The following PRKG1 variants were observed in gnomAD, a reference collection of about 807,000 sequenced individuals.
PRKG1 encodes cGMP-dependent protein kinase 1.
Under a neutral mutation model 88.1 loss-of-function variants are expected in PRKG1, and 35 were observed. The ratio of observed to expected loss-of-function variants is 0.40; its 90% CI spans 0.30 to 0.53. The LOEUF is 0.53. PRKG1 is among the 20% of genes least tolerant of loss of function. The pLI, the probability that PRKG1 is intolerant of heterozygous loss-of-function variation, is 0.59. For missense variants in PRKG1, 540 were observed against 839.8 expected (o/e 0.64, Z 4.41); for synonymous variants, 303 against 292.5 (o/e 1.04, Z -0.37).
intron 3 of PRKG1, among the ~76,000 whole-genome samples, chr10:51,669,872 T>C (rs893768305): frequency 6.6e-6 from 1 of 152,216 alleles, no homozygotes; most frequent in African/African-American, 2.4e-5. Context: ...GTATTGTACA[T>C]ATGCCCCTTC....
intron 4 of PRKG1, among the ~76,000 whole-genome samples, chr10:51,831,455 A>C (rs1840004537): frequency 6.6e-6 from 1 of 152,192 alleles, no homozygotes; most frequent in African/African-American, 2.4e-5. Context: ...TAAATGAGAC[A>C]AGGTGGGAAT....
At chr10:52,061,031 T>G (rs1846223568) in intron 6 of PRKG1, among the ~76,000 whole-genome samples, 1 of 151,990 alleles carries the variant, frequency 6.6e-6, no homozygotes. Flanking sequence ...ACCTCAAGAA[T>G]AAGGGCCCAG....
chr10:52,135,122 G>T (rs1157055707), intron 8 of PRKG1, among the ~76,000 whole-genome samples: 1 of 152,046 alleles, frequency 6.6e-6, no homozygotes, highest in Non-Finnish European at 1.5e-5. Context: ...AAAAAAATGA[G>T]TTCAGAATAA....
chr10:51,845,022 T>C (rs1221869473), intron 4 of PRKG1, among the ~76,000 whole-genome samples: 4 of 152,172 alleles, frequency 2.6e-5, no homozygotes, highest in Non-Finnish European at 5.9e-5. Flanking sequence ...TGTGTTAATG[T>C]AGATGTGAAA....
chr10:51,290,819 G>C (rs746198987), intron 2 of PRKG1, among the ~76,000 whole-genome samples: 48 of 152,090 alleles, frequency 3.2e-4, no homozygotes, highest in Non-Finnish European at 6.6e-4. Flanking sequence ...AGGGTATAGG[G>C]TGTGTTTCAA....
chr10:51,423,098 C>T lies in PRKG1; in HGVS notation c.479-44625C>T, dbSNP rs144230748. The stretch of plus-strand genomic sequence containing the variant: ...AAGGATCTGAAAGAAGAAAGAATAA[C>T]CATTCACACCCTGTTCAAGCAGAGT... On this transcript the variant is annotated intron_variant, in intron 2 of 17. Coordinates refer to ENST00000373980, the MANE Select transcript of PRKG1 (RefSeq NM_006258.4). Among the ~76,000 whole-genome samples, 1,004 of 151,762 alleles carry T rather than the reference C, an allele frequency of 6.6e-3. 15 individuals are homozygous for T. The highest frequency in any genetic ancestry group is 0.023 in the African/African-American group (970 of 41,384).
intron 2 of PRKG1, among the ~76,000 whole-genome samples, chr10:51,454,042 G>C (rs918325108): frequency 6.6e-6 from 1 of 151,966 alleles, no homozygotes; most frequent in African/African-American, 2.4e-5. Flanking sequence ...TAACCAAAGA[G>C]GTGAAAGATC....
chr10:51,576,702 T>A (rs934412197), intron 3 of PRKG1, among the ~76,000 whole-genome samples: 3 of 151,996 alleles, frequency 2.0e-5, no homozygotes, highest in South Asian at 2.1e-4. Context: ...ATCCCATTCC[T>A]AAGTGTTATT....
intron 9 of PRKG1, among the ~76,000 whole-genome samples, chr10:52,186,464 A>T (rs888811204): frequency 2.6e-5 from 4 of 151,764 alleles, no homozygotes; most frequent in African/African-American, 9.7e-5. Flanking sequence ...TTCATGAAGG[A>T]TTTTCCCCCA....
chr10:51,948,524 C>G (rs1843108197), intron 5 of PRKG1, among the ~76,000 whole-genome samples: 3 of 149,612 alleles, frequency 2.0e-5, no homozygotes, highest in Admixed American at 2.0e-4. Flanking sequence ...GTGTGTGTCT[C>G]TGTGTGTGTG....
chr10:51,538,540 G>A (rs1842221733), intron 3 of PRKG1, among the ~76,000 whole-genome samples: 2 of 108,114 alleles, frequency 1.8e-5, no homozygotes, highest in Non-Finnish European at 3.9e-5. Flanking sequence ...TAGAGAACCA[G>A]TTTGATTTTT....
intron 4 of PRKG1, among the ~76,000 whole-genome samples, chr10:51,898,047 A>C (rs1330489989): frequency 6.6e-6 from 1 of 152,030 alleles, no homozygotes; most frequent in Admixed American, 6.6e-5. Flanking sequence ...AGTTCACTGA[A>C]GTCTAGACAC....
intron 12 of PRKG1, among the ~76,000 whole-genome samples, chr10:52,273,816 A>C (rs750280012): frequency 6.6e-6 from 1 of 152,166 alleles, no homozygotes. Context: ...TAATATGTAC[A>C]TAGAGATTAT....
intron 2 of PRKG1, among the ~76,000 whole-genome samples, chr10:51,286,062 C>T (rs1479102802): frequency 6.6e-6 from 1 of 152,100 alleles, no homozygotes; most frequent in Non-Finnish European, 1.5e-5. Flanking sequence ...CCTCTGCCTC[C>T]CAGTTTCAAG....
intron 17 of PRKG1, among the ~76,000 whole-genome samples, chr10:52,292,081 G>A (rs565333043): frequency 6.6e-5 from 10 of 152,080 alleles, no homozygotes; most frequent in Non-Finnish European, 1.0e-4. Flanking sequence ...GTCGGTTCAT[G>A]TCCTTGGCCC....
chr10:51,664,996 A>G (rs867980857), intron 3 of PRKG1, among the ~76,000 whole-genome samples: 1 of 152,204 alleles, frequency 6.6e-6, no homozygotes, highest in Middle Eastern at 3.4e-3. Flanking sequence ...ACAGCAAATT[A>G]TTGTGCTCCA....
At chr10:51,654,509 G>A (rs914840045) in intron 3 of PRKG1, among the ~76,000 whole-genome samples, 2 of 151,934 alleles carry the variant, frequency 1.3e-5, no homozygotes, top group Non-Finnish European at 1.5e-5. Context: ...GTTATTCATG[G>A]TCTTCTATGG....
At chr10:51,515,623 T>A (rs962293555) in intron 3 of PRKG1, among the ~76,000 whole-genome samples, 3 of 152,192 alleles carry the variant, frequency 2.0e-5, no homozygotes, top group Non-Finnish European at 4.4e-5. Context: ...TTTCTCCTCC[T>A]CTGTTGAATT....
At chr10:50,992,927 T>C (rs1387957962) in intron 1 of PRKG1, among the ~76,000 whole-genome samples, 2 of 152,196 alleles carry the variant, frequency 1.3e-5, no homozygotes, top group African/African-American at 4.8e-5. Flanking sequence ...TTAGATCATT[T>C]GCTGTCTGAG....
Sources: allele counts gnomAD v4.1 joint callset (sites outside exome capture counted in the v4.1 genomes callset), GRCh38; gene constraint gnomAD v4.1.1; transcripts MANE v1.5; gene names NCBI Gene and HGNC (gene_info 2026-07-23, HGNC 2026-07-21).